RABGAP1: variants seen among roughly 807,000 people sequenced by gnomAD.
The protein encoded by RABGAP1 is rab GTPase-activating protein 1.
RABGAP1 carries 23 observed loss-of-function variants against 137.6 expected under a neutral mutation model. The observed-to-expected ratio is 0.17, with a 90% CI of 0.12 to 0.24. RABGAP1 has a LOEUF of 0.24. Among genes scored for constraint, RABGAP1 ranks in the 10% least tolerant of loss-of-function variants. The pLI is 1.00. For synonymous variants in RABGAP1, 451 were observed against 450.7 expected (o/e 1.00, Z -0.01); for missense variants, 906 against 1,275.8 (o/e 0.71, Z 4.42).
chr9:123,072,755 T>G (rs2034394849), intron 15 of RABGAP1, among the ~76,000 whole-genome samples: 1 of 152,270 alleles, frequency 6.6e-6, no homozygotes, highest in Non-Finnish European at 1.5e-5. Flanking sequence ...TCTTTAGTTC[T>G]GCTTTCTTCT....
At chr9:122,984,846 C>G in intron 3 of RABGAP1, 127 bp downstream of exon 3, 1 of 798,036 alleles carries the variant, frequency 1.3e-6, no homozygotes, top group Non-Finnish European at 2.0e-6. Flanking sequence ...AAAACATTCT[C>G]TAGAATCTCT....
At chr9:123,077,705 G>C (rs1315421568) in intron 19 of RABGAP1, among the ~76,000 whole-genome samples, 1 of 133,384 alleles carries the variant, frequency 7.5e-6, no homozygotes, top group Non-Finnish European at 1.7e-5. Context: ...ATTTTCTGTG[G>C]GGCTTTTTTT....
chr9:123,010,267 T>C, intron 10 of RABGAP1, 87 bp from the exon 11 acceptor site: 1 of 1,231,742 alleles, frequency 8.1e-7, no homozygotes, highest in African/African-American at 1.5e-5. Context: ...CCGAGATCAC[T>C]GCAATTAAAA....
In RABGAP1 at chr9:122,957,097, C is replaced by T; in HGVS notation, c.38C>T (p.Ser13Phe). 3.2e-6 allele frequency: 5 copies of T among 1,544,346 alleles called. No individual in the cohort carries two copies. The highest frequency in any genetic ancestry group is 4.4e-6 in the Non-Finnish European group (5 of 1,131,918). Residue 13 changes from serine (S) to phenylalanine (F), a missense_variant, in exon 2 of 26, where the codon TCT becomes TTT. Physicochemically the swap from Ser to Phe is radical, Grantham distance 155 (BLOSUM62 -2). Transcript: ENST00000373647. ...DKASVGKISVSSDSVSTLNSE... is the reference protein window; with the variant it reads ...DKASVGKISVFSDSVSTLNSE... ...GCTTCTGTTGGAAAAATCAGTGTCT[C>T]TTCAGACTCAGTATCTACTCTTAAT... is the stretch of plus-strand genomic sequence containing the variant.
At chr9:123,047,950 T>G in intron 13 of RABGAP1, among the ~76,000 whole-genome samples, 1 of 101,418 alleles carries the variant, frequency 9.9e-6, no homozygotes, top group South Asian at 2.9e-4. Flanking sequence ...TTTTTTTTTT[T>G]TTTTTGAGAC....
chr9:123,058,945 T>A (rs1268842924), intron 13 of RABGAP1, among the ~76,000 whole-genome samples: 1 of 152,148 alleles, frequency 6.6e-6, no homozygotes, highest in Non-Finnish European at 1.5e-5. Flanking sequence ...GCAGCATGCA[T>A]TTGAGAGAGA....
In RABGAP1 at chr9:122,989,486, GA is replaced by G; in HGVS notation, c.765+19del. 1 of 1,612,654 alleles carries G rather than the reference GA, an allele frequency of 6.2e-7. No individual in the cohort carries two copies. The highest frequency in any genetic ancestry group is 8.5e-7 in the Non-Finnish European group (1 of 1,179,326). On this transcript the variant is annotated intron_variant, in intron 5 of 25. Coordinates refer to ENST00000373647, the MANE Select transcript of RABGAP1 (RefSeq NM_012197.4). ...TACAAGAAGCTGTAAGTCCTCAAGA[GA>G]AAACTCTCTGCAAATGAAACTTCAC...
chr9:123,045,916 A>C (rs2033187291), intron 13 of RABGAP1, among the ~76,000 whole-genome samples: 1 of 152,218 alleles, frequency 6.6e-6, no homozygotes, highest in African/African-American at 2.4e-5. Flanking sequence ...GAACTCAGTA[A>C]AAGATTTCAG....
chr9:122,984,699 C>T lies in RABGAP1; in HGVS notation c.365C>T (p.Pro122Leu). Residue 122 changes from proline to leucine, a missense_variant, in exon 3 of 26, where the codon CCA (proline) becomes CTA (leucine). Pro to Leu is a moderately conservative substitution (Grantham distance 98). Transcript: ENST00000373647. The stretch of plus-strand genomic sequence containing the variant: ...CTCCAAAAACCAGAGATGAGCCTAC[C>T]AGTGAAACCTGGACAAGGAGGTTAG... ...VGLQKPEMSLPVKPGQGDSEA... is the reference protein window; with the variant it reads ...VGLQKPEMSLLVKPGQGDSEA... The T allele has an allele frequency of 6.2e-7, 1 of 1,614,008 alleles. No individual in the cohort carries two copies. Among genetic ancestry groups the T allele is most frequent in the Non-Finnish European group, 8.5e-7 (1 of 1,179,874 alleles).
intron 4 of RABGAP1, 91 bp downstream of exon 4, chr9:122,986,510 T>G (rs1012513633): frequency 3.3e-5 from 43 of 1,305,394 alleles, no homozygotes; most frequent in African/African-American, 2.9e-5. Context: ...AAATACATAT[T>G]AATAGTTATT....
chr9:123,074,289 A>G lies in RABGAP1; in HGVS notation c.2114A>G (p.Tyr705Cys), dbSNP rs2034448182. The G allele has an allele frequency of 6.8e-6, 11 of 1,613,646 alleles. No homozygotes were observed. Among genetic ancestry groups the G allele is most frequent in the Non-Finnish European group, 9.3e-6 (11 of 1,179,716 alleles). The change falls in exon 17 of 26, where the codon TAC (tyrosine) becomes TGC (cysteine). Residue 705 changes from tyrosine to cysteine, a missense_variant. Coordinates refer to ENST00000373647, the MANE Select transcript of RABGAP1 (RefSeq NM_012197.4). ...FYQLERLMQEYIPDLYNHFLD... is the reference protein window; with the variant it reads ...FYQLERLMQECIPDLYNHFLD... The stretch of plus-strand genomic sequence containing the variant: ...CTAATTGGTTTGCTATTTCAGGAAT[A>G]CATTCCTGACCTGTACAACCACTTC...
intron 11 of RABGAP1, 64 bp downstream of exon 11, chr9:123,010,592 G>T (rs75947105): frequency 7.0e-6 from 10 of 1,437,236 alleles, no homozygotes; most frequent in African/African-American, 1.4e-5. Flanking sequence ...TATTAAAATC[G>T]TATCAGGGGA....
intron 19 of RABGAP1, among the ~76,000 whole-genome samples, chr9:123,084,149 TC>T (rs1190967911): frequency 1.3e-5 from 2 of 152,212 alleles, no homozygotes; most frequent in Non-Finnish European, 2.9e-5. Context: ...AGGGAGATAA[TC>T]CCTGCTCTAC....
At chr9:123,034,221 C>G (rs2032476889) in intron 13 of RABGAP1, 2 of 299,452 alleles carry the variant, frequency 6.7e-6, no homozygotes, top group African/African-American at 4.3e-5. Context: ...TAATCTTCTT[C>G]CCTTCTCTTC....
At chr9:123,018,330 G>A (rs565064366) in intron 12 of RABGAP1, among the ~76,000 whole-genome samples, 4 of 152,186 alleles carry the variant, frequency 2.6e-5, no homozygotes, top group Non-Finnish European at 4.4e-5. Context: ...TCAATGAGAT[G>A]AAATTATTCT....
the RABGAP1 span, among the ~76,000 whole-genome samples, chr9:122,933,979 G>T: frequency 6.6e-6 from 1 of 151,800 alleles, no homozygotes; most frequent in Non-Finnish European, 1.5e-5. Flanking sequence ...TGTTCCTCAG[G>T]CTGCTCTTGG....
chr9:123,045,125 A>G (rs887908523), intron 13 of RABGAP1, among the ~76,000 whole-genome samples: 2 of 152,230 alleles, frequency 1.3e-5, no homozygotes, highest in African/African-American at 4.8e-5. Flanking sequence ...CATATTTTCA[A>G]AGTAAAGTTT....
intron 5 of RABGAP1, 184 bp from the exon 6 acceptor site, chr9:122,989,872 A>C (rs1836574955): frequency 1.6e-6 from 1 of 613,780 alleles, no homozygotes; most frequent in Non-Finnish European, 2.7e-6. Flanking sequence ...TCTTTTTTAA[A>C]ACCCCTTGTC....
At chr9:123,088,873 AAGTC>A (rs1419927071) in intron 19 of RABGAP1, among the ~76,000 whole-genome samples, 5 of 152,190 alleles carry the variant, frequency 3.3e-5, no homozygotes, top group Non-Finnish European at 7.3e-5. Flanking sequence ...TAAAGCATGA[AAGTC>A]AGGGAGTTTT....
Sources: gnomAD v4.1 joint callset for allele counts (sites outside exome capture counted in the v4.1 genomes callset) on GRCh38, gnomAD v4.1.1 for gene constraint, MANE v1.5 for transcripts, NCBI Gene and HGNC (gene_info 2026-07-23, HGNC 2026-07-21) for gene names.